The following PCDHA10 variants were observed in gnomAD, a reference collection of about 807,000 sequenced individuals.
PCDHA10 encodes the protein protocadherin alpha 10, also known as protocadherin alpha-10.
A neutral mutation model predicts 61.2 loss-of-function variants in PCDHA10; 45 were observed. The observed-to-expected ratio is 0.74, with a 90% confidence interval of 0.58 to 0.94. The LOEUF (loss-of-function observed/expected upper bound fraction) is 0.94, where lower values mean the gene tolerates loss of function less well. PCDHA10 is among the 40% of genes least tolerant of loss of function. The probability of loss-of-function intolerance (pLI) is 0.00; values close to 1 mark genes in which losing one functional copy is unlikely to be tolerated. For missense variants in PCDHA10, 1,278 were observed against 1,236.2 expected (o/e 1.03, Z -0.51); for synonymous variants, 602 against 548.8 (o/e 1.10, Z -1.35).
intron 3 of PCDHA10, among the ~76,000 whole-genome samples, chr5:140,998,936 A>G (rs1328813980): frequency 6.6e-5 from 10 of 152,246 alleles, no homozygotes; most frequent in African/African-American, 2.4e-4. Flanking sequence ...TTACAGATGA[A>G]GAAACTGTAA....
At position 140,869,813 on chromosome 5, in the gene PCDHA10, A is replaced by T. The variant is rs782789559; in HGVS notation, c.2388+11377A>T. On this transcript the variant is annotated intron_variant, in intron 1 of 3. Transcript: ENST00000307360. Reference sequence around the variant, plus strand: ...TTAGTCCAAGTCTTGGATGTCAACGACAATGATCCAGAGTTTGATAAATCA... The same window carrying T: ...TTAGTCCAAGTCTTGGATGTCAACGTCAATGATCCAGAGTTTGATAAATCA... The T allele has an allele frequency of 3.1e-6, 5 of 1,612,416 alleles. No individual in the cohort carries two copies. The South Asian group carries it at 5.5e-5, about 18-fold the overall frequency.
chr5:141,000,279 G>A (rs528257063), intron 3 of PCDHA10, among the ~76,000 whole-genome samples: 60 of 151,092 alleles, frequency 4.0e-4, no homozygotes, highest in Middle Eastern at 3.4e-3. Context: ...GGAGGCAGAG[G>A]TGGGAATATT....
chr5:141,011,745 A>G lies in PCDHA10; in HGVS notation c.*1808A>G, dbSNP rs1378591918. 3 of 153,762 alleles carry G rather than the reference A, an allele frequency of 2.0e-5. No individual in the cohort carries two copies. The highest frequency in any genetic ancestry group is 1.9e-4 in the East Asian group (1 of 5,196). 9.5% of individuals were successfully genotyped at this position (153,762 alleles called of 1,614,324 possible). ...GGGTGTGCAAGCACAAATTTTACCA[A>G]TCTGACCTCTTTGAAGTTGCAGAAT... On this transcript the variant is annotated 3_prime_UTR_variant, in exon 4 of 4. Coordinates refer to ENST00000307360, the MANE Select transcript of PCDHA10 (RefSeq NM_018901.4).
intron 1 of PCDHA10, among the ~76,000 whole-genome samples, chr5:140,873,728 T>A (rs1208346643): frequency 6.6e-6 from 1 of 152,190 alleles, no homozygotes; most frequent in African/African-American, 2.4e-5. Flanking sequence ...TGGCGCAATC[T>A]CAGCTCACTG....
intron 1 of PCDHA10, among the ~76,000 whole-genome samples, chr5:140,917,338 G>GGGGGGGGTGGGT (rs2078134893): frequency 7.3e-6 from 1 of 137,894 alleles, no homozygotes; most frequent in Non-Finnish European, 1.6e-5. Flanking sequence ...GGAGGGGGGG[G>GGGGGGGGTGGGT]ATGGTGTAGG....
At chr5:140,902,540 C>T (rs2069538388) in intron 1 of PCDHA10, among the ~76,000 whole-genome samples, 1 of 151,900 alleles carries the variant, frequency 6.6e-6, no homozygotes, top group South Asian at 2.1e-4. Context: ...GAGGTATGTT[C>T]CTTCTATACC....
chr5:140,969,201 G>A (rs2096306183), intron 1 of PCDHA10: 2 of 1,614,110 alleles, frequency 1.2e-6, no homozygotes, highest in Non-Finnish European at 1.7e-6. Context: ...TACAATACAG[G>A]GGCCCAGACA....
At chr5:140,928,739 G>A in intron 1 of PCDHA10, 1 of 1,614,148 alleles carries the variant, frequency 6.2e-7, no homozygotes, top group African/African-American at 1.3e-5. Flanking sequence ...GCCAATATAG[G>A]TGAGCTCCGT....
intron 1 of PCDHA10, chr5:140,927,096 G>A (rs1554204014): frequency 1.2e-6 from 2 of 1,612,778 alleles, no homozygotes; most frequent in Admixed American, 1.7e-5. Context: ...ACTTCGGGGT[G>A]GATCTACCCA....
At chr5:140,967,921 C>A (rs781932025) in intron 1 of PCDHA10, 3 of 1,614,172 alleles carry the variant, frequency 1.9e-6, no homozygotes, top group Middle Eastern at 3.3e-4. Context: ...CCATTGTGGC[C>A]GTTCTCAGTG....
chr5:140,999,523 C>T (rs115576128), intron 3 of PCDHA10, among the ~76,000 whole-genome samples: 1 of 152,026 alleles, frequency 6.6e-6, no homozygotes, highest in Non-Finnish European at 1.5e-5. Context: ...CATTTTGTTA[C>T]CCCCTGGATA....
Position 140,856,315 on chromosome 5 carries a change from T to A in PCDHA10, c.267T>A (p.Ile89=), listed in dbSNP as rs782568790. 4 of 1,598,576 alleles carry A rather than the reference T, an allele frequency of 2.5e-6. No homozygotes were observed. Among genetic ancestry groups the A allele is most frequent in the Non-Finnish European group, 3.4e-6 (4 of 1,168,006 alleles). Residue 89 remains isoleucine (I), a synonymous_variant, in exon 1 of 4, where the codon ATT becomes ATA. Transcript: ENST00000307360. ...QNGILFVNSR[I]DREELCGRSV... is the part of the protein sequence containing the mutation. ...GCATTTTGTTTGTGAATTCTCGGAT[T>A]GACCGCGAGGAGCTGTGCGGGCGGA... is the stretch of plus-strand genomic sequence containing the variant.
chr5:140,870,478 T>C (rs782114058), intron 1 of PCDHA10: 1 of 1,614,112 alleles, frequency 6.2e-7, no homozygotes, highest in Admixed American at 1.7e-5. Flanking sequence ...ACAGCCCGAG[T>C]ACACCGTGTT....
intron 1 of PCDHA10, chr5:140,864,741 C>T (rs1031120106): frequency 1.1e-4 from 17 of 151,978 alleles, no homozygotes; most frequent in Admixed American, 3.3e-4. Flanking sequence ...CTTTGAGCAC[C>T]GATTATACTC....
chr5:141,001,792 T>C (rs1442216091), intron 3 of PCDHA10, among the ~76,000 whole-genome samples: 3 of 152,192 alleles, frequency 2.0e-5, no homozygotes, highest in African/African-American at 7.2e-5. Context: ...AGCCTGAGTA[T>C]ATACTATCAT....
intron 1 of PCDHA10, among the ~76,000 whole-genome samples, chr5:140,953,382 G>A (rs1554220887): frequency 6.6e-6 from 1 of 152,142 alleles, no homozygotes; most frequent in Admixed American, 6.6e-5. Context: ...ACCCCTCTCA[G>A]TTGTGGATTA....
At position 140,950,404 on chromosome 5, in the gene PCDHA10, T is replaced by C. The variant is rs947428237; in HGVS notation, c.2389-28545T>C. ...TTGAATGATATAGAATTCTGGGGGATTGACAGATTTTATTTTCTTCCACTT... is the reference window on the plus strand; with the variant it reads ...TTGAATGATATAGAATTCTGGGGGACTGACAGATTTTATTTTCTTCCACTT... On this transcript the variant is annotated intron_variant, in intron 1 of 3. Coordinates refer to ENST00000307360, the MANE Select transcript of PCDHA10 (RefSeq NM_018901.4). 2.0e-5 allele frequency among the ~76,000 whole-genome samples: 3 copies of C among 152,044 alleles called. 1 individual carries two copies. Among genetic ancestry groups the C allele is most frequent in the East Asian group, 1.9e-4 (1 of 5,204 alleles).
At chr5:140,963,608 G>A (rs1308315109) in intron 1 of PCDHA10, among the ~76,000 whole-genome samples, 2 of 152,186 alleles carry the variant, frequency 1.3e-5, no homozygotes, top group African/African-American at 2.4e-5. Context: ...ACGTAATTGG[G>A]AAAGCTTAAC....
At chr5:140,937,770 G>C (rs1353635012) in intron 1 of PCDHA10, among the ~76,000 whole-genome samples, 3 of 151,876 alleles carry the variant, frequency 2.0e-5, no homozygotes, top group Non-Finnish European at 4.4e-5. Flanking sequence ...AAATTAGTCG[G>C]GCGTGGTGGC....
Sources: allele counts gnomAD v4.1 joint callset (sites outside exome capture counted in the v4.1 genomes callset), GRCh38; gene constraint gnomAD v4.1.1; transcripts MANE v1.5; gene names NCBI Gene and HGNC (gene_info 2026-07-23, HGNC 2026-07-21).